DLG2: variants seen among roughly 807,000 people sequenced by gnomAD.
DLG2 encodes the protein disks large homolog 2.
A neutral mutation model predicts 132.5 loss-of-function variants in DLG2; 45 were observed. The ratio of observed to expected loss-of-function variants is 0.34; its 90% CI spans 0.27 to 0.44. DLG2 has a LOEUF of 0.44. DLG2 is among the 20% of genes least tolerant of loss of function. The pLI, the probability that DLG2 is intolerant of heterozygous loss-of-function variation, is 1.00. For missense variants in DLG2, 1,045 were observed against 1,196.9 expected, an observed-to-expected ratio of 0.87 and a Z score of 1.87; for synonymous variants, 424 against 419.6, an observed-to-expected ratio of 1.01 and a Z score of -0.13.
At chr11:84,833,025 T>G (rs376515192) in intron 6 of DLG2, among the ~76,000 whole-genome samples, 6 of 150,556 alleles carry the variant, frequency 4.0e-5, no homozygotes, top group African/African-American at 1.5e-4. Flanking sequence ...TGGACTATGA[T>G]TTTTAATAAG....
At chr11:83,574,407 T>C (rs2096843464) in intron 19 of DLG2, among the ~76,000 whole-genome samples, 1 of 152,172 alleles carries the variant, frequency 6.6e-6, no homozygotes, top group South Asian at 2.1e-4. Context: ...ATACAAATAT[T>C]GCATATAAGA....
intron 7 of DLG2, among the ~76,000 whole-genome samples, chr11:84,287,079 T>C (rs1226791701): frequency 6.6e-6 from 1 of 152,200 alleles, no homozygotes; most frequent in Non-Finnish European, 1.5e-5. Context: ...AATGAGTTGA[T>C]TCATGCATCC....
intron 8 of DLG2, among the ~76,000 whole-genome samples, chr11:84,228,978 G>A (rs2097050710): frequency 6.6e-6 from 1 of 152,100 alleles, no homozygotes. Context: ...AAGCTGTGGT[G>A]AGGATCAAAT....
chr11:84,685,367 A>C (rs1426342435), intron 6 of DLG2, among the ~76,000 whole-genome samples: 1 of 152,240 alleles, frequency 6.6e-6, no homozygotes, highest in Non-Finnish European at 1.5e-5. Context: ...TAAGAACCAC[A>C]GTCAGTCCTA....
At chr11:85,313,767 A>G (rs757042655) in intron 3 of DLG2, among the ~76,000 whole-genome samples, 6 of 151,936 alleles carry the variant, frequency 3.9e-5, no homozygotes, top group African/African-American at 7.2e-5. Context: ...AAGTTTATGT[A>G]TCTCTCTTTT....
chr11:85,184,438 G>A (rs1343511290), intron 4 of DLG2, among the ~76,000 whole-genome samples: 1 of 149,812 alleles, frequency 6.7e-6, no homozygotes. Flanking sequence ...CTCCCATTTT[G>A]TAGAGAAACA....
At chr11:83,566,767 C>T (rs2096716828) in intron 19 of DLG2, among the ~76,000 whole-genome samples, 1 of 144,538 alleles carries the variant, frequency 6.9e-6, no homozygotes, top group Admixed American at 7.0e-5. Flanking sequence ...CCTCACAATG[C>T]TAGAAACATT....
intron 4 of DLG2, among the ~76,000 whole-genome samples, chr11:85,263,020 G>T (rs1352323240): frequency 6.6e-6 from 1 of 152,290 alleles, no homozygotes; most frequent in South Asian, 2.1e-4. Context: ...AAGAATGTCT[G>T]CTGGGGACCT....
intron 8 of DLG2, among the ~76,000 whole-genome samples, chr11:84,214,023 G>A (rs2096795168): frequency 6.6e-6 from 1 of 150,772 alleles, no homozygotes; most frequent in African/African-American, 2.4e-5. Context: ...CACCCACAGA[G>A]GGCAAATAAC....
rs71036428 is a variant in DLG2, at chr11:84,584,674, C to CTTT, written c.358-49946_358-49944dup. Among the ~76,000 whole-genome samples the CTTT allele has an allele frequency of 1.2e-3, 68 of 55,862 alleles. 3 individuals carry two copies. Among genetic ancestry groups the CTTT allele is most frequent in the Non-Finnish European group, 1.6e-3 (52 of 32,546 alleles). 36.6% of individuals were successfully genotyped at this position (55,862 alleles called of 152,430 possible). ...AGCTGCTGTACCTGGCCCAGCATTC[C>CTTT]TTTTTTTTTTTTTTTTTTTTTTTTT... On this transcript the variant is annotated intron_variant, in intron 6 of 27. Coordinates refer to ENST00000376104, the MANE Select transcript of DLG2 (RefSeq NM_001142699.3).
intron 22 of DLG2, among the ~76,000 whole-genome samples, chr11:83,480,001 A>T (rs2092969445): frequency 6.6e-6 from 1 of 152,110 alleles, no homozygotes; most frequent in Non-Finnish European, 1.5e-5. Context: ...GAAGGAAAAC[A>T]ATACCATGAT....
At chr11:85,145,864 G>C (rs1044461609) in intron 5 of DLG2, among the ~76,000 whole-genome samples, 5 of 152,000 alleles carry the variant, frequency 3.3e-5, no homozygotes, top group African/African-American at 1.2e-4. Flanking sequence ...AGTAGATCAT[G>C]TTTTCCTGGA....
intron 7 of DLG2, among the ~76,000 whole-genome samples, chr11:84,307,695 C>CAAAA (rs1222486667): frequency 0.014 from 1,055 of 77,868 alleles, 44 homozygotes; most frequent in African/African-American, 0.05. Context: ...GACGCAGTCT[C>CAAAA]AAAAAAAAAA....
chr11:85,338,460 A>G (rs1352825662), intron 3 of DLG2, among the ~76,000 whole-genome samples: 2 of 152,114 alleles, frequency 1.3e-5, no homozygotes, highest in Admixed American at 6.5e-5. Context: ...TCATCCATCT[A>G]TAATACAATT....
intron 19 of DLG2, among the ~76,000 whole-genome samples, chr11:83,575,310 T>C (rs943328114): frequency 6.6e-6 from 1 of 152,186 alleles, no homozygotes; most frequent in African/African-American, 2.4e-5. Flanking sequence ...GCCCCAGCTT[T>C]CTGCCTTGAC....
At chr11:83,834,170 G>A (rs767664104) in intron 16 of DLG2, among the ~76,000 whole-genome samples, 1 of 152,194 alleles carries the variant, frequency 6.6e-6, no homozygotes, top group Non-Finnish European at 1.5e-5. Flanking sequence ...GATCTTACAA[G>A]CCAGGTTGTG....
intron 6 of DLG2, among the ~76,000 whole-genome samples, chr11:85,082,815 T>C (rs1258582258): frequency 1.3e-5 from 2 of 151,140 alleles, no homozygotes; most frequent in African/African-American, 4.9e-5. Flanking sequence ...AGAATTCTTA[T>C]TCTGATTTGA....
At chr11:84,796,487 G>A (rs2074629164) in intron 6 of DLG2, among the ~76,000 whole-genome samples, 1 of 152,120 alleles carries the variant, frequency 6.6e-6, no homozygotes, top group African/African-American at 2.4e-5. Context: ...TATTACCAGT[G>A]AGTTTTGTAC....
chr11:85,586,186 T>C (rs185670928), intron 3 of DLG2, among the ~76,000 whole-genome samples: 1 of 152,250 alleles, frequency 6.6e-6, no homozygotes, highest in East Asian at 1.9e-4. Flanking sequence ...TGTAGTTTTC[T>C]TTTTTTGTTA....
Sources: allele counts gnomAD v4.1 joint callset (sites outside exome capture counted in the v4.1 genomes callset), GRCh38; gene constraint gnomAD v4.1.1; transcripts MANE v1.5; gene names NCBI Gene and HGNC (gene_info 2026-07-23, HGNC 2026-07-21).